Variants in CRACD observed in about 807,000 individuals in gnomAD.
CRACD encodes the protein capping protein-inhibiting regulator of actin dynamics.
Under a neutral mutation model 106.8 loss-of-function variants are expected in CRACD, and 56 were observed. The ratio of observed to expected loss-of-function variants is 0.52; its 90% CI spans 0.42 to 0.66. CRACD has a LOEUF of 0.66. Among genes scored for constraint, CRACD ranks in the 30% least tolerant of loss-of-function variants. CRACD has a pLI of 0.00. For synonymous variants in CRACD, 754 were observed against 670.8 expected (o/e 1.12, Z -1.92); for missense variants, 1,730 against 1,623.2 (o/e 1.07, Z -1.13).
chr4:56,249,953 C>T (rs1033523951), intron 2 of CRACD, among the ~76,000 whole-genome samples: 1 of 152,094 alleles, frequency 6.6e-6, no homozygotes, highest in Non-Finnish European at 1.5e-5. Flanking sequence ...TTCTCACTAC[C>T]CAGAATACTG....
intron 1 of CRACD, among the ~76,000 whole-genome samples, chr4:56,086,728 T>C (rs747810947): frequency 3.9e-5 from 6 of 152,170 alleles, no homozygotes; most frequent in Non-Finnish European, 7.4e-5. Flanking sequence ...GAGTTTCCTC[T>C]TATCGTTTCT....
chr4:56,115,115 A>G (rs1208633167), intron 1 of CRACD, among the ~76,000 whole-genome samples: 5 of 152,148 alleles, frequency 3.3e-5, no homozygotes, highest in Admixed American at 3.3e-4. Context: ...ATTTGAACTG[A>G]GACTCAAAGG....
At chr4:56,209,421 T>C (rs1301320115) in intron 2 of CRACD, among the ~76,000 whole-genome samples, 1 of 152,140 alleles carries the variant, frequency 6.6e-6, no homozygotes, top group African/African-American at 2.4e-5. Flanking sequence ...CAAAAGCATA[T>C]CTTGCTTTTA....
intron 1 of CRACD, among the ~76,000 whole-genome samples, chr4:56,076,131 C>T (rs980137976): frequency 6.6e-6 from 1 of 152,098 alleles, no homozygotes; most frequent in Non-Finnish European, 1.5e-5. Context: ...TATGGGCAGA[C>T]CCTAATCAAT....
At chr4:56,069,236 G>A (rs1049335386) in intron 1 of CRACD, among the ~76,000 whole-genome samples, 4 of 152,234 alleles carry the variant, frequency 2.6e-5, no homozygotes, top group Non-Finnish European at 5.9e-5. Flanking sequence ...TTGTGGTCAC[G>A]TGGCATTGCA....
chr4:56,104,166 G>T (rs1002770072), intron 1 of CRACD, among the ~76,000 whole-genome samples: 2 of 152,226 alleles, frequency 1.3e-5, no homozygotes. Flanking sequence ...GGAGGCCGAG[G>T]TGGGAGCATC....
At chr4:56,083,370 A>T (rs1733100992) in intron 1 of CRACD, among the ~76,000 whole-genome samples, 1 of 152,196 alleles carries the variant, frequency 6.6e-6, no homozygotes, top group Non-Finnish European at 1.5e-5. Context: ...GTGAAGATAA[A>T]AGGCTGCCAA....
intron 1 of CRACD, among the ~76,000 whole-genome samples, chr4:56,077,119 C>T (rs1462875285): frequency 6.6e-6 from 1 of 152,134 alleles, no homozygotes; most frequent in African/African-American, 2.4e-5. Flanking sequence ...ATGTGCTACC[C>T]AAGACTGGGT....
Position 56,329,832 on chromosome 4 carries a change from AGGTG to A in CRACD, c.*2031_*2034del, listed in dbSNP as rs1382275935. Reference sequence around the variant, plus strand: ...CAATATCCCAATTATGGCAGGGAACAGGTGGGGAACTAAGATCAGTTACAAAAAG... The same window carrying A: ...CAATATCCCAATTATGGCAGGGAACAGGGAACTAAGATCAGTTACAAAAAG... On this transcript the variant is annotated 3_prime_UTR_variant, in exon 11 of 11. Transcript: ENST00000682029. 1.3e-5 allele frequency among the ~76,000 whole-genome samples: 2 copies of A among 152,192 alleles called. No homozygotes were observed. The highest frequency in any genetic ancestry group is 2.9e-5 in the Non-Finnish European group (2 of 68,018).
intron 1 of CRACD, among the ~76,000 whole-genome samples, chr4:56,168,532 A>C (rs1736239082): frequency 1.3e-5 from 2 of 151,844 alleles, no homozygotes; most frequent in Non-Finnish European, 2.9e-5. Context: ...TATTAGGATT[A>C]TGCTGGTCTC....
chr4:56,272,928 G>A (rs1184318525), intron 3 of CRACD, among the ~76,000 whole-genome samples: 2 of 151,802 alleles, frequency 1.3e-5, no homozygotes, highest in Admixed American at 6.6e-5. Flanking sequence ...TCACAAATGG[G>A]TTCCATCTCT....
Position 56,315,115 on chromosome 4 carries a change from C to T in CRACD, c.1613C>T (p.Thr538Met), listed in dbSNP as rs757293190. 6.8e-6 allele frequency: 11 copies of T among 1,610,704 alleles called. No individual in the cohort carries two copies. The Admixed American group carries it at 1.3e-4, about 20-fold the overall frequency. ...AGACAGACCATGCCCCGGCCCTACA[C>T]GTTCCAGGTGTCCTCCGGAGGGAAG... ...DERQTMPRPY[T>M]FQVSSGGKQI... The change falls in exon 8 of 11, where the codon ACG (threonine) becomes ATG (methionine). Residue 538 changes from threonine (T) to methionine (M), a missense_variant. This residue lies in a region of CRACD where 1,620 missense variants were observed against 1,481.6 expected (regional missense o/e 1.09). Transcript: ENST00000682029. This position sits in a 1 kb window ranked among gnomAD's most constrained non-coding sequence, Gnocchi z 4.1.
intron 2 of CRACD, among the ~76,000 whole-genome samples, chr4:56,195,410 G>A (rs1737558175): frequency 6.6e-6 from 1 of 152,038 alleles, no homozygotes; most frequent in South Asian, 2.1e-4. Context: ...TTCAAAAATG[G>A]GGTTAATCCT....
At chr4:56,138,375 A>T (rs1735077856) in intron 1 of CRACD, among the ~76,000 whole-genome samples, 2 of 152,070 alleles carry the variant, frequency 1.3e-5, no homozygotes, top group African/African-American at 2.4e-5. Context: ...AAAGCACGAA[A>T]ACTGCTTGAA....
intron 1 of CRACD, among the ~76,000 whole-genome samples, chr4:56,091,803 A>G (rs1236641384): frequency 1.3e-5 from 2 of 152,178 alleles, no homozygotes; most frequent in African/African-American, 4.8e-5. Context: ...GAGGAAATTT[A>G]TACCCTTTTT....
chr4:56,316,624 C>T lies in CRACD; in HGVS notation c.3122C>T (p.Ala1041Val). 1 of 1,613,102 alleles carries T rather than the reference C, an allele frequency of 6.2e-7. No individual in the cohort carries two copies. The stretch of plus-strand genomic sequence containing the variant: ...GAAGAGGCGACAGAGAGGAAACCTG[C>T]TTCCCCACCTCTGCCTGCCACTCAG... Reference protein sequence around the residue: ...EEEEATERKPASPPLPATQQE... With the variant: ...EEEEATERKPVSPPLPATQQE... Residue 1041 changes from alanine to valine, a missense_variant, in exon 8 of 11, where the codon GCT becomes GTT. Physicochemically the swap from Ala to Val is moderately conservative, Grantham distance 64 (BLOSUM62 0). Transcript: ENST00000682029.
chr4:56,074,764 G>A (rs201754928), intron 1 of CRACD, among the ~76,000 whole-genome samples: 5 of 152,096 alleles, frequency 3.3e-5, no homozygotes, highest in Admixed American at 1.3e-4. Context: ...GTCTTGTGCC[G>A]GTTTTCAAAG....
intron 4 of CRACD, among the ~76,000 whole-genome samples, chr4:56,301,863 ATTT>A (rs897719621): frequency 6.6e-6 from 1 of 151,970 alleles, no homozygotes; most frequent in Non-Finnish European, 1.5e-5. Flanking sequence ...AAAAATCACC[ATTT>A]TTTTTCTAAA....
At chr4:56,283,638 T>A (rs1264611855) in intron 3 of CRACD, among the ~76,000 whole-genome samples, 1 of 152,158 alleles carries the variant, frequency 6.6e-6, no homozygotes, top group Non-Finnish European at 1.5e-5. Flanking sequence ...GGAGGAGCAG[T>A]TACTGGCTCA....
Sources: allele counts gnomAD v4.1 joint callset (sites outside exome capture counted in the v4.1 genomes callset), GRCh38; gene constraint gnomAD v4.1.1; regional missense constraint gnomAD v4.1.1; non-coding constraint Gnocchi (gnomAD v3.1); transcripts MANE v1.5; gene names NCBI Gene and HGNC (gene_info 2026-07-23, HGNC 2026-07-21).